The following LIG3 variants were observed in gnomAD, a reference collection of about 807,000 sequenced individuals.
LIG3 encodes DNA ligase 3.
In LIG3, 58 loss-of-function variants were observed where a neutral mutation model predicts 110.9. The ratio of observed to expected loss-of-function variants is 0.52; its 90% CI spans 0.42 to 0.65. The LOEUF is 0.65. LIG3 is among the 30% of genes least tolerant of loss of function. The pLI, the probability that LIG3 is intolerant of heterozygous loss-of-function variation, is 0.00. For synonymous variants in LIG3, 422 were observed against 472.8 expected, an observed-to-expected ratio of 0.89 and a Z score of 1.39; for missense variants, 1,094 against 1,273.8, an observed-to-expected ratio of 0.86 and a Z score of 2.15.
intron 8 of LIG3, 155 bp from the exon 9 acceptor site, chr17:34,994,121 C>G: frequency 4.9e-6 from 3 of 608,820 alleles, no homozygotes; most frequent in Non-Finnish European, 8.4e-6. Flanking sequence ...CCGTTCCCAT[C>G]ACCTCTTCAC....
At chr17:35,000,960 A>G (rs1324514145) in intron 16 of LIG3, among the ~76,000 whole-genome samples, 1 of 151,880 alleles carries the variant, frequency 6.6e-6, no homozygotes, top group Non-Finnish European at 1.5e-5. Context: ...TCTGGAGAGC[A>G]GTGGCATGAT....
chr17:35,002,901 C>G, intron 19 of LIG3, 112 bp downstream of exon 19: 2 of 1,594,470 alleles, frequency 1.3e-6, no homozygotes, highest in Non-Finnish European at 8.6e-7. Context: ...TGGGGAACAT[C>G]GGCTAAACCT....
chr17:34,990,814 C>G, intron 4 of LIG3, 149 bp from the exon 5 acceptor site: 1 of 669,250 alleles, frequency 1.5e-6, no homozygotes, highest in Non-Finnish European at 2.5e-6. Flanking sequence ...CCAGGGTGGT[C>G]TCAAACTTGT....
At chr17:34,982,569 C>T (rs550445017) in intron 1 of LIG3, among the ~76,000 whole-genome samples, 1 of 151,884 alleles carries the variant, frequency 6.6e-6, no homozygotes, top group East Asian at 1.9e-4. Context: ...ATCGCTTGAA[C>T]CCGAGAGGAG....
rs747002495 is a variant in LIG3, at chr17:34,992,031, C to T, written c.1282C>T (p.His428Tyr). 8.1e-6 allele frequency: 13 copies of T among 1,613,760 alleles called. No individual in the cohort carries two copies. In the African/African-American group the frequency reaches 1.6e-4, roughly 20 times the overall value. The change falls in exon 7 of 20, where the codon CAT becomes TAT. Residue 428 changes from histidine to tyrosine, a missense_variant. His to Tyr is a moderately conservative substitution (Grantham distance 83, BLOSUM62 2). Coordinates refer to ENST00000378526, the MANE Select transcript of LIG3 (RefSeq NM_013975.4). ...HDLKMNSGAK[H>Y]VLDALDPNAY... ...TCTGAAGATGAACTCAGGTGCAAAA[C>T]ATGTGTAAGTAGCAGCTCCGCTGAC...
At chr17:34,989,750 C>T in intron 4 of LIG3, 87 bp downstream of exon 4, 5 of 1,251,940 alleles carry the variant, frequency 4.0e-6, no homozygotes, top group Non-Finnish European at 5.8e-6. Context: ...TGTATAGTTG[C>T]CCGGGATCCC....
chr17:35,004,499 C>T lies in LIG3; in HGVS notation c.3023C>T (p.Pro1008Leu), dbSNP rs1319167353. The T allele has an allele frequency of 6.2e-7, 1 of 1,613,304 alleles. No homozygotes were observed. Among genetic ancestry groups the T allele is most frequent in the Admixed American group, 1.7e-5 (1 of 60,010 alleles). The change falls in exon 20 of 20, where the codon CCC (proline) becomes CTC (leucine). Residue 1008 changes from proline to leucine, a missense_variant. Physicochemically the swap from Pro to Leu is moderately conservative, Grantham distance 98 (BLOSUM62 -3). Coordinates refer to ENST00000378526, the MANE Select transcript of LIG3 (RefSeq NM_013975.4). ...ACIRKRRLVAPC is the reference protein window; with the variant it reads ...ACIRKRRLVALC The stretch of plus-strand genomic sequence containing the variant: ...ATCCGGAAACGGAGACTGGTAGCTC[C>T]CTGCTAGGTTTGCTGTCTTCCCTCT...
chr17:35,006,502 T>C lies in LIG3; in HGVS notation c.*1996T>C, dbSNP rs899678740. 1 of 152,230 alleles carries C rather than the reference T, an allele frequency of 6.6e-6. No homozygotes were observed. The highest frequency in any genetic ancestry group is 1.5e-5 in the Non-Finnish European group (1 of 68,078). The allele number at this position is 152,230 out of a possible 1,614,324, so 9.4% of individuals were successfully genotyped here. ...GTTGTCCTGTTGTCCTGAGCAACATTATGTAAAGCACTTAGCCCAGAGCCT... is the reference window on the plus strand; with the variant it reads ...GTTGTCCTGTTGTCCTGAGCAACATCATGTAAAGCACTTAGCCCAGAGCCT... On this transcript the variant is annotated 3_prime_UTR_variant, in exon 20 of 20. Transcript: ENST00000378526.
intron 3 of LIG3, among the ~76,000 whole-genome samples, chr17:34,988,941 TG>T (rs2090687665): frequency 6.6e-6 from 1 of 152,176 alleles, no homozygotes; most frequent in South Asian, 2.1e-4. Flanking sequence ...AACACGTACT[TG>T]ATTTCTTACC....
Position 34,990,889 on chromosome 17 carries a change from G to C in LIG3, c.890-74G>C, listed in dbSNP as rs139252916. 5,004 of 1,481,232 alleles carry C rather than the reference G, an allele frequency of 3.4e-3. 16 individuals carry two copies. Among genetic ancestry groups the C allele is most frequent in the Middle Eastern group, 7.7e-3 (43 of 5,586 alleles). 91.8% of individuals were successfully genotyped at this position (1,481,232 alleles called of 1,614,324 possible). A position where few individuals can be genotyped will look rare whatever the true frequency, so the allele number is the denominator to read the frequency against. ...TGAGATTACAGGTGTGAGCCACCTT[G>C]CCCAGCCTTCTTTGAGTTTATATAT... is the stretch of plus-strand genomic sequence containing the variant. On this transcript the variant is annotated intron_variant, in intron 4 of 19. Coordinates refer to ENST00000378526, the MANE Select transcript of LIG3 (RefSeq NM_013975.4).
At chr17:34,996,486 G>T in intron 10 of LIG3, 88 bp from the exon 11 acceptor site, 16 of 1,066,948 alleles carry the variant, frequency 1.5e-5, no homozygotes, top group Non-Finnish European at 2.3e-5. Context: ...CGGTGCCTCA[G>T]GGGGCCTCCA....
chr17:34,997,934 C>T, intron 12 of LIG3, 109 bp downstream of exon 12: 3 of 847,118 alleles, frequency 3.5e-6, no homozygotes, highest in Non-Finnish European at 3.9e-6. Context: ...CTTATGGAGC[C>T]TCCTGATAAT....
Position 35,004,807 on chromosome 17 carries a change from C to T in LIG3, c.*301C>T. On this transcript the variant is annotated 3_prime_UTR_variant, in exon 20 of 20. Coordinates refer to ENST00000378526, the MANE Select transcript of LIG3 (RefSeq NM_013975.4). ...TATAAATAAAATATCTTGCAGTTATCTTTGTCCTTTCCCCACCTACACCCC... is the reference window on the plus strand; with the variant it reads ...TATAAATAAAATATCTTGCAGTTATTTTTGTCCTTTCCCCACCTACACCCC... 1 of 345,426 alleles carries T rather than the reference C, an allele frequency of 2.9e-6. No individual in the cohort carries two copies. Among genetic ancestry groups the T allele is most frequent in the Non-Finnish European group, 5.4e-6 (1 of 186,412 alleles). 21.4% of individuals were successfully genotyped at this position (345,426 alleles called of 1,614,324 possible).
Position 35,004,521 on chromosome 17 carries a change from C to G in LIG3, c.*15C>G. On this transcript the variant is annotated 3_prime_UTR_variant, in exon 20 of 20. Transcript: ENST00000378526. Reference sequence around the variant, plus strand: ...CTCCCTGCTAGGTTTGCTGTCTTCCCTCTCCCTCAGGCCATACTCTCCTTT... The same window carrying G: ...CTCCCTGCTAGGTTTGCTGTCTTCCGTCTCCCTCAGGCCATACTCTCCTTT... 1 of 1,599,692 alleles carries G rather than the reference C, an allele frequency of 6.3e-7. No individual in the cohort carries two copies. The highest frequency in any genetic ancestry group is 8.6e-7 in the Non-Finnish European group (1 of 1,167,076).
In LIG3 at chr17:34,996,604, CTGTT is replaced by C; in HGVS notation, c.1780_1783del (p.Val594LeufsTer11). 5 of 1,614,002 alleles carry C rather than the reference CTGTT, an allele frequency of 3.1e-6. No homozygotes were observed. In the Middle Eastern group the frequency reaches 4.9e-4, roughly 160 times the overall value. On this transcript the variant is annotated frameshift_variant, in exon 11 of 20. Transcript: ENST00000378526. LOFTEE classifies it high-confidence loss of function. ...AGCCTTCCAGGATGCTAATGTCTGC[CTGTT>C]TGTTTTTGATTGTATCTACTTTAAT...
At chr17:34,980,731 C>A in intron 1 of LIG3, 109 bp downstream of exon 1, 1 of 533,666 alleles carries the variant, frequency 1.9e-6, no homozygotes. Flanking sequence ...CCCGGCTCCT[C>A]CCCCGCCCGC....
intron 16 of LIG3, among the ~76,000 whole-genome samples, chr17:35,000,642 G>T (rs1209555062): frequency 3.7e-5 from 5 of 135,416 alleles, no homozygotes; most frequent in South Asian, 2.4e-4. Context: ...TTGAGACAGG[G>T]TCTCACTCTG....
At chr17:35,001,489 C>T in intron 17 of LIG3, 86 bp downstream of exon 17, 1 of 1,338,886 alleles carries the variant, frequency 7.5e-7, no homozygotes, top group Non-Finnish European at 1.0e-6. Flanking sequence ...CACATGTCCT[C>T]TGTCTTCTCC....
chr17:34,995,822 C>A (rs2090772062), intron 9 of LIG3, among the ~76,000 whole-genome samples: 2 of 152,218 alleles, frequency 1.3e-5, no homozygotes, highest in Non-Finnish European at 1.5e-5. Context: ...TTCTCTACAG[C>A]CCATAGAAAG....
Sources: allele counts gnomAD v4.1 joint callset (sites outside exome capture counted in the v4.1 genomes callset), GRCh38; gene constraint gnomAD v4.1.1; transcripts MANE v1.5; gene names NCBI Gene and HGNC (gene_info 2026-07-23, HGNC 2026-07-21).